FAT1: variants seen among roughly 807,000 people sequenced by gnomAD.
FAT1 encodes FAT atypical cadherin 1.
In FAT1, 171 loss-of-function variants were observed where a neutral mutation model predicts 329.8. The observed-to-expected ratio is 0.52, with a 90% CI of 0.46 to 0.59. The LOEUF (loss-of-function observed/expected upper bound fraction) is 0.59. FAT1 is among the 20% of genes least tolerant of loss of function. The probability of loss-of-function intolerance (pLI) is 0.00; values close to 1 mark genes in which losing one functional copy is unlikely to be tolerated. For synonymous variants in FAT1, 2,233 were observed against 2,228.6 expected (o/e 1.00, Z -0.06); for missense variants, 5,672 against 5,774.4 (o/e 0.98, Z 0.57).
intron 2 of FAT1, among the ~76,000 whole-genome samples, chr4:186,684,274 A>G (rs573842453): frequency 6.6e-6 from 1 of 152,302 alleles, no homozygotes; most frequent in African/African-American, 2.4e-5. Flanking sequence ...TCTAGACTGA[A>G]TCTCCTCTCC....
At chr4:186,687,466 G>T (rs374855517) in intron 2 of FAT1, among the ~76,000 whole-genome samples, 2 of 151,998 alleles carry the variant, frequency 1.3e-5, no homozygotes, top group African/African-American at 2.4e-5. Flanking sequence ...TGTTATTTAC[G>T]CTAAGGCAAC....
chr4:186,654,951 T>G (rs1307850698), intron 3 of FAT1, among the ~76,000 whole-genome samples: 1 of 149,588 alleles, frequency 6.7e-6, no homozygotes, highest in Non-Finnish European at 1.5e-5. Context: ...CTCTACAGGA[T>G]GGAGGAAGGA....
chr4:186,595,306 TG>T (rs1738446884), intron 26 of FAT1, among the ~76,000 whole-genome samples: 2 of 151,866 alleles, frequency 1.3e-5, no homozygotes, highest in African/African-American at 2.4e-5. Context: ...GGTGTGTGTG[TG>T]TGTGTGTGTG....
intron 3 of FAT1, among the ~76,000 whole-genome samples, chr4:186,643,888 G>A (rs1036194816): frequency 2.7e-5 from 4 of 146,976 alleles, no homozygotes; most frequent in South Asian, 2.1e-4. Context: ...CTAGTAGGTA[G>A]TAAGTGTCCT....
At chr4:186,686,699 T>G (rs751243432) in intron 2 of FAT1, among the ~76,000 whole-genome samples, 4 of 152,154 alleles carry the variant, frequency 2.6e-5, no homozygotes, top group Non-Finnish European at 5.9e-5. Context: ...CATGAATTAA[T>G]AGCTGCCAAG....
intron 2 of FAT1, among the ~76,000 whole-genome samples, chr4:186,683,287 G>A (rs114177585): frequency 3.9e-5 from 6 of 152,160 alleles, no homozygotes; most frequent in African/African-American, 1.4e-4. Context: ...TCATCTCTGT[G>A]TTGACTCGTG....
chr4:186,613,457 C>T, intron 12 of FAT1, 115 bp from the exon 13 acceptor site: 1 of 746,930 alleles, frequency 1.3e-6, no homozygotes, highest in Non-Finnish European at 2.3e-6. Flanking sequence ...CACAGCCTTC[C>T]TCTTGAGACC....
intron 2 of FAT1, among the ~76,000 whole-genome samples, chr4:186,684,072 T>C (rs529634988): frequency 6.6e-6 from 1 of 152,288 alleles, no homozygotes; most frequent in South Asian, 2.1e-4. Flanking sequence ...ACAGTTTAAA[T>C]AGAACTATAA....
intron 3 of FAT1, among the ~76,000 whole-genome samples, chr4:186,642,013 A>C (rs1030535934): frequency 1.3e-5 from 2 of 151,982 alleles, no homozygotes; most frequent in Admixed American, 6.6e-5. Context: ...TCAAAAAAAA[A>C]AAAACAAAAT....
chr4:186,608,190 T>C (rs1739234815), intron 16 of FAT1, among the ~76,000 whole-genome samples: 1 of 152,162 alleles, frequency 6.6e-6, no homozygotes, highest in African/African-American at 2.4e-5. Flanking sequence ...CCTTTGCAAA[T>C]AGTTTCTTCA....
In FAT1 at chr4:186,636,706, T is replaced by C. The variant is rs376759484; in HGVS notation, c.3851A>G (p.Asn1284Ser). The part of the protein sequence containing the change: ...VIATDKDEGP[N>S]AEISYSIEDG... Reference sequence around the variant, plus strand: ...TTCGATGCTGTAGGAGATTTCTGCATTGGGGCCCTCATCCTTGTCGGTGGC... The same window carrying C: ...TTCGATGCTGTAGGAGATTTCTGCACTGGGGCCCTCATCCTTGTCGGTGGC... Residue 1284 changes from asparagine to serine, a missense_variant, in exon 5 of 27, where the codon AAT becomes AGT. Asn to Ser is a conservative substitution (Grantham distance 46). Around this residue, in one of 2 missense-constraint regions of FAT1, gnomAD observed 3,966 missense variants for 3,915.2 expected, o/e 1.01. Coordinates refer to ENST00000441802, the MANE Select transcript of FAT1 (RefSeq NM_005245.4). 9.2e-5 allele frequency: 148 copies of C among 1,613,806 alleles called. 1 individual carries two copies. The highest frequency in any genetic ancestry group is 7.9e-4 in the South Asian group (72 of 91,080).
At chr4:186,597,609 G>A (rs1029064208) in intron 24 of FAT1, 73 bp downstream of exon 24, 1 of 984,494 alleles carries the variant, frequency 1.0e-6, no homozygotes, top group Non-Finnish European at 1.6e-6. Context: ...AATCACTGAA[G>A]GTCTGTTGCA....
intron 26 of FAT1, 89 bp downstream of exon 26, chr4:186,595,600 T>G: frequency 1.4e-6 from 2 of 1,430,988 alleles, no homozygotes. Flanking sequence ...GGTGAGGCTT[T>G]AAGGGTAGAT....
At chr4:186,704,087 C>T (rs532011473) in intron 2 of FAT1, among the ~76,000 whole-genome samples, 104 of 152,284 alleles carry the variant, frequency 6.8e-4, no homozygotes, top group Non-Finnish European at 1.3e-3. Context: ...AGCATATAAA[C>T]GTAAGTCTAC....
At chr4:186,684,370 T>G (rs2126649448) in intron 2 of FAT1, among the ~76,000 whole-genome samples, 1 of 152,290 alleles carries the variant, frequency 6.6e-6, no homozygotes, top group South Asian at 2.1e-4. Context: ...AAGGGGATGC[T>G]TTAGAAGGGC....
intron 3 of FAT1, among the ~76,000 whole-genome samples, chr4:186,644,295 A>G (rs930426797): frequency 1.3e-5 from 2 of 152,240 alleles, no homozygotes; most frequent in Non-Finnish European, 2.9e-5. Context: ...GCAAGTTAGG[A>G]GATAAAAGAG....
chr4:186,638,640 CACACAT>C (rs146580408), intron 4 of FAT1, among the ~76,000 whole-genome samples: 30,078 of 151,324 alleles, frequency 0.2, 3,491 homozygotes, highest in Non-Finnish European at 0.28. Context: ...CACACACACA[CACACAT>C]ACACTGCACA....
At chr4:186,720,080 A>C (rs1318576958) in intron 1 of FAT1, among the ~76,000 whole-genome samples, 1 of 152,262 alleles carries the variant, frequency 6.6e-6, no homozygotes, top group African/African-American at 2.4e-5. Context: ...AAAAAGGCAT[A>C]CTTCCCAGAC....
chr4:186,634,269 G>A lies in FAT1; in HGVS notation c.4184-446C>T, dbSNP rs185289741. 2.4e-4 allele frequency among the ~76,000 whole-genome samples: 36 copies of A among 152,066 alleles called. No homozygotes were observed. In the East Asian group the frequency reaches 6.2e-3, roughly 26 times the overall value. ...CAATGTTAACTCTAAAAAAAATAGC[G>A]GTCGTTAACTTTAATTAGTCCTGGC... On this transcript the variant is annotated intron_variant, in intron 6 of 26. Coordinates refer to ENST00000441802, the MANE Select transcript of FAT1 (RefSeq NM_005245.4).
Sources: gnomAD v4.1 joint callset for allele counts (sites outside exome capture counted in the v4.1 genomes callset) on GRCh38, gnomAD v4.1.1 for gene constraint, gnomAD v4.1.1 regional missense constraint, MANE v1.5 for transcripts, NCBI Gene and HGNC (gene_info 2026-07-23, HGNC 2026-07-21) for gene names.